TAF2: variants seen among roughly 807,000 people sequenced by gnomAD.
TAF2 encodes TATA-box binding protein associated factor 2.
In TAF2, 61 loss-of-function variants were observed where a neutral mutation model predicts 138.5. The ratio of observed to expected loss-of-function variants is 0.44; its 90% CI spans 0.36 to 0.54. The LOEUF (loss-of-function observed/expected upper bound fraction) is 0.54. Among genes scored for constraint, TAF2 ranks in the 20% least tolerant of loss-of-function variants. TAF2 has a pLI of 0.00. For missense variants in TAF2, 1,090 were observed against 1,427.9 expected (o/e 0.76, Z 3.81); for synonymous variants, 475 against 469.9 (o/e 1.01, Z -0.14).
chr8:119,760,127 C>T (rs570079231), intron 20 of TAF2, among the ~76,000 whole-genome samples: 60 of 151,984 alleles, frequency 3.9e-4, no homozygotes, highest in Admixed American at 9.8e-4. Context: ...GTATCTTTCT[C>T]CCCTAAATTA....
chr8:119,824,729 T>G (rs1825995036), intron 2 of TAF2, among the ~76,000 whole-genome samples: 2 of 152,186 alleles, frequency 1.3e-5, no homozygotes, highest in South Asian at 4.1e-4. Flanking sequence ...AACTTTGAGC[T>G]TGGGCCATAG....
chr8:119,793,498 AT>A (rs777169643), intron 9 of TAF2, 47 bp from the exon 10 acceptor site: 10 of 1,320,930 alleles, frequency 7.6e-6, no homozygotes, highest in Admixed American at 1.8e-5. Flanking sequence ...GTAAAGTAAC[AT>A]TTTTTTACAT....
chr8:119,793,802 G>C (rs1209739837), intron 9 of TAF2, among the ~76,000 whole-genome samples: 1 of 147,146 alleles, frequency 6.8e-6, no homozygotes, highest in Non-Finnish European at 1.5e-5. Flanking sequence ...AAAGGAATGG[G>C]AATAAATTAT....
chr8:119,798,391 T>C (rs1328459994), intron 6 of TAF2, among the ~76,000 whole-genome samples: 1 of 152,224 alleles, frequency 6.6e-6, no homozygotes, highest in Non-Finnish European at 1.5e-5. Flanking sequence ...CTGTTTTTTT[T>C]CATTAGGTTA....
intron 2 of TAF2, among the ~76,000 whole-genome samples, chr8:119,823,073 A>G (rs572685729): frequency 2.7e-4 from 41 of 152,250 alleles, no homozygotes; most frequent in African/African-American, 9.9e-4. Context: ...TCTCTCTCCT[A>G]TAATTACAAT....
At chr8:119,832,184 AC>A (rs1826499639) in intron 1 of TAF2, among the ~76,000 whole-genome samples, 1 of 152,100 alleles carries the variant, frequency 6.6e-6, no homozygotes, top group East Asian at 1.9e-4. Context: ...AAAAAAAAAA[AC>A]ACTCTACCAA....
chr8:119,808,534 T>A (rs1388129527), intron 3 of TAF2, among the ~76,000 whole-genome samples: 1 of 152,212 alleles, frequency 6.6e-6, no homozygotes, highest in Non-Finnish European at 1.5e-5. Context: ...CTTAATGGCA[T>A]CCAGAATGGT....
At chr8:119,760,208 T>C (rs1820969076) in intron 20 of TAF2, among the ~76,000 whole-genome samples, 1 of 152,166 alleles carries the variant, frequency 6.6e-6, no homozygotes, top group Non-Finnish European at 1.5e-5. Context: ...CATGATGCCT[T>C]GCCTAATTCC....
intron 3 of TAF2, among the ~76,000 whole-genome samples, chr8:119,810,049 G>C (rs1234894587): frequency 6.8e-6 from 1 of 146,032 alleles, no homozygotes; most frequent in East Asian, 2.0e-4. Context: ...GAGCAACAGA[G>C]CAAAGCACAA....
intron 15 of TAF2, 107 bp from the exon 16 acceptor site, chr8:119,783,740 A>C: frequency 7.3e-7 from 1 of 1,360,940 alleles, no homozygotes; most frequent in Non-Finnish European, 1.0e-6. Flanking sequence ...TTTTAGATGT[A>C]GTATTCAAGA....
intron 6 of TAF2, among the ~76,000 whole-genome samples, chr8:119,799,750 T>C: frequency 6.6e-6 from 1 of 152,230 alleles, no homozygotes; most frequent in East Asian, 1.9e-4. Context: ...ATGGTTGAAC[T>C]AGTTTACAGT....
chr8:119,805,490 G>C (rs1278035965), intron 4 of TAF2, among the ~76,000 whole-genome samples: 1 of 152,090 alleles, frequency 6.6e-6, no homozygotes, highest in African/African-American at 2.4e-5. Context: ...TGGATCACCT[G>C]AGGTCAGGAG....
chr8:119,831,262 A>G (rs2131279081), intron 2 of TAF2, among the ~76,000 whole-genome samples: 1 of 152,316 alleles, frequency 6.6e-6, no homozygotes, highest in East Asian at 1.9e-4. Flanking sequence ...ATTACAAAGC[A>G]ACATCACCTA....
intron 6 of TAF2, among the ~76,000 whole-genome samples, chr8:119,800,279 C>G: frequency 6.6e-6 from 1 of 152,138 alleles, no homozygotes. Context: ...AGTTTTAGGT[C>G]TAACATTTAA....
At chr8:119,815,951 A>G (rs1454647934) in intron 3 of TAF2, among the ~76,000 whole-genome samples, 1 of 152,248 alleles carries the variant, frequency 6.6e-6, no homozygotes, top group Non-Finnish European at 1.5e-5. Flanking sequence ...AGTTGGATAA[A>G]ATAGATAGAA....
intron 12 of TAF2, 115 bp from the exon 13 acceptor site, chr8:119,789,019 A>G: frequency 1.3e-6 from 1 of 741,688 alleles, no homozygotes; most frequent in Non-Finnish European, 2.4e-6. Flanking sequence ...TCAAAGTTTG[A>G]GAGCATACGC....
intron 2 of TAF2, among the ~76,000 whole-genome samples, chr8:119,830,532 T>A (rs1826379832): frequency 6.6e-6 from 1 of 152,112 alleles, no homozygotes; most frequent in South Asian, 2.1e-4. Context: ...TCCTACTATA[T>A]AAGATATAAG....
chr8:119,781,376 T>C (rs913746256), intron 16 of TAF2, among the ~76,000 whole-genome samples, 183 bp from the exon 17 acceptor site: 33 of 152,146 alleles, frequency 2.2e-4, no homozygotes, highest in Non-Finnish European at 2.8e-4. Context: ...AAACTCACCC[T>C]GCAAAAAAGT....
chr8:119,819,320 A>C, intron 3 of TAF2, 26 bp downstream of exon 3: 1 of 1,606,906 alleles, frequency 6.2e-7, no homozygotes, highest in Non-Finnish European at 8.5e-7. Context: ...TGTTAAAAAT[A>C]GTGACTTTTA....
Sources: allele counts gnomAD v4.1 joint callset (sites outside exome capture counted in the v4.1 genomes callset), GRCh38; gene constraint gnomAD v4.1.1; transcripts MANE v1.5; gene names NCBI Gene and HGNC (gene_info 2026-07-23, HGNC 2026-07-21).